CDS1: variants seen among roughly 807,000 people sequenced by gnomAD.
The protein encoded by CDS1 is phosphatidate cytidylyltransferase 1.
Under a neutral mutation model 62.1 loss-of-function variants are expected in CDS1, and 41 were observed. The ratio of observed to expected loss-of-function variants is 0.66; its 90% CI spans 0.51 to 0.86. The LOEUF (loss-of-function observed/expected upper bound fraction) is 0.86, where lower values mean the gene tolerates loss of function less well. Among genes scored for constraint, CDS1 ranks in the 40% least tolerant of loss-of-function variants. The pLI, the probability that CDS1 is intolerant of heterozygous loss-of-function variation, is 0.00. For synonymous variants in CDS1, 185 were observed against 192.6 expected, an observed-to-expected ratio of 0.96 and a Z score of 0.32; for missense variants, 470 against 550.1, an observed-to-expected ratio of 0.85 and a Z score of 1.46.
chr4:84,638,702 A>G (rs1724289943), intron 8 of CDS1, among the ~76,000 whole-genome samples: 1 of 152,126 alleles, frequency 6.6e-6, no homozygotes, highest in Admixed American at 6.5e-5. Context: ...CAGCATTTCA[A>G]ATATTTGAGG....
intron 3 of CDS1, among the ~76,000 whole-genome samples, chr4:84,613,341 G>A (rs1208216990): frequency 6.6e-6 from 1 of 152,096 alleles, no homozygotes; most frequent in African/African-American, 2.4e-5. Context: ...GGGCACAGTG[G>A]CTCACGCCTG....
chr4:84,635,107 T>G (rs757165524), intron 7 of CDS1, among the ~76,000 whole-genome samples, 157 bp from the exon 8 acceptor site: 19 of 152,210 alleles, frequency 1.2e-4, no homozygotes, highest in Non-Finnish European at 2.1e-4. Flanking sequence ...TATTTATCAT[T>G]TCTACTGTTT....
At chr4:84,588,914 G>A (rs1298605200) in intron 1 of CDS1, among the ~76,000 whole-genome samples, 3 of 152,058 alleles carry the variant, frequency 2.0e-5, no homozygotes, top group Non-Finnish European at 4.4e-5. Flanking sequence ...CCTTTTATTA[G>A]TTTTATAAAG....
intron 1 of CDS1, among the ~76,000 whole-genome samples, chr4:84,600,512 T>G (rs1316187543): frequency 3.9e-5 from 6 of 152,194 alleles, no homozygotes; most frequent in African/African-American, 1.4e-4. Context: ...ATCTGTGGTG[T>G]GAGGTATGGA....
intron 3 of CDS1, among the ~76,000 whole-genome samples, chr4:84,613,204 C>T (rs1001749427): frequency 6.6e-6 from 1 of 151,772 alleles, no homozygotes; most frequent in African/African-American, 2.4e-5. Context: ...TGTTTCTATT[C>T]CTATTCTTAA....
chr4:84,641,630 G>A (rs1276790841), intron 10 of CDS1, among the ~76,000 whole-genome samples: 1 of 152,170 alleles, frequency 6.6e-6, no homozygotes, highest in Non-Finnish European at 1.5e-5. Context: ...TGGACAGAAA[G>A]TTGCTGCTTC....
intron 1 of CDS1, among the ~76,000 whole-genome samples, chr4:84,584,573 C>G (rs1208419856): frequency 1.3e-5 from 2 of 152,206 alleles, no homozygotes; most frequent in African/African-American, 4.8e-5. Flanking sequence ...GTTGCTGAGA[C>G]TGGCTGGCAG....
chr4:84,613,824 C>T (rs1236802940), intron 3 of CDS1, among the ~76,000 whole-genome samples: 1 of 152,100 alleles, frequency 6.6e-6, no homozygotes, highest in African/African-American at 2.4e-5. Context: ...TTTTCCCCCC[C>T]TGCCTTCTTG....
intron 11 of CDS1, 82 bp from the exon 12 acceptor site, chr4:84,645,140 A>G: frequency 2.3e-6 from 2 of 882,022 alleles, no homozygotes; most frequent in Middle Eastern, 2.2e-4. Flanking sequence ...GAGTGAGTCC[A>G]TGACGCCAAA....
At chr4:84,613,006 A>AAAAAAAAAG in intron 3 of CDS1, among the ~76,000 whole-genome samples, 1 of 148,300 alleles carries the variant, frequency 6.7e-6, no homozygotes, top group Non-Finnish European at 1.5e-5. Context: ...AAAAAAAAAA[A>AAAAAAAAAG]AGAATATTAA....
Position 84,635,631 on chromosome 4 carries a change from C to T in CDS1, c.810+280C>T, listed in dbSNP as rs1203841087. Reference sequence around the variant, plus strand: ...CCTGCCTGCCTGCCTGCCTGCCTTCCTTCCTTCCTTCCTTCCTTCCTTCCT... The same window carrying T: ...CCTGCCTGCCTGCCTGCCTGCCTTCTTTCCTTCCTTCCTTCCTTCCTTCCT... On this transcript the variant is annotated intron_variant, in intron 8 of 12. Transcript: ENST00000295887. Among the ~76,000 whole-genome samples the T allele has an allele frequency of 7.5e-3, 562 of 74,506 alleles. 9 individuals are homozygous for T. Among genetic ancestry groups the T allele is most frequent in the African/African-American group, 0.03 (526 of 17,532 alleles). 48.9% of individuals were successfully genotyped at this position (74,506 alleles called of 152,430 possible).
intron 10 of CDS1, among the ~76,000 whole-genome samples, chr4:84,642,713 A>C (rs1724424274): frequency 6.6e-6 from 1 of 152,210 alleles, no homozygotes. Flanking sequence ...GGAAAATAAC[A>C]CAGCTGATTC....
At chr4:84,624,342 T>TA (rs1461041969) in intron 5 of CDS1, among the ~76,000 whole-genome samples, 1 of 148,258 alleles carries the variant, frequency 6.7e-6, no homozygotes, top group Admixed American at 6.7e-5. Flanking sequence ...ATGCCCATGA[T>TA]AAAAATTTAG....
chr4:84,609,635 C>A, intron 3 of CDS1, 110 bp downstream of exon 3: 1 of 682,666 alleles, frequency 1.5e-6, no homozygotes, highest in South Asian at 1.8e-5. Context: ...AACACTCAGT[C>A]ACAGAATATT....
intron 1 of CDS1, among the ~76,000 whole-genome samples, chr4:84,589,957 C>T (rs921559630): frequency 6.6e-6 from 1 of 152,148 alleles, no homozygotes; most frequent in East Asian, 1.9e-4. Flanking sequence ...ACTACAGGCA[C>T]CCGCCACCAC....
intron 1 of CDS1, among the ~76,000 whole-genome samples, chr4:84,584,435 A>G (rs1222912411): frequency 2.0e-5 from 3 of 152,242 alleles, no homozygotes; most frequent in Non-Finnish European, 4.4e-5. Flanking sequence ...AACTGTTTCT[A>G]GAAGCATACT....
At chr4:84,583,804 G>T (rs112029115) in intron 1 of CDS1, among the ~76,000 whole-genome samples, 5,819 of 152,218 alleles carry the variant, frequency 0.038, 131 homozygotes, top group South Asian at 0.055. Context: ...CCCTTCTTCA[G>T]GATCTGGGGC....
intron 6 of CDS1, among the ~76,000 whole-genome samples, chr4:84,632,862 G>T (rs1204202367): frequency 6.6e-6 from 1 of 152,242 alleles, no homozygotes; most frequent in Non-Finnish European, 1.5e-5. Flanking sequence ...GATGGCTCAT[G>T]CCTGTAATCG....
chr4:84,593,578 C>T (rs1722658851), intron 1 of CDS1, among the ~76,000 whole-genome samples: 1 of 151,824 alleles, frequency 6.6e-6, no homozygotes, highest in Non-Finnish European at 1.5e-5. Context: ...AATCTTGGCT[C>T]ACTGCAACCT....
Sources: allele counts gnomAD v4.1 joint callset (sites outside exome capture counted in the v4.1 genomes callset), GRCh38; gene constraint gnomAD v4.1.1; transcripts MANE v1.5; gene names NCBI Gene and HGNC (gene_info 2026-07-23, HGNC 2026-07-21).